The following TAFA2 variants were observed in gnomAD, a reference collection of about 807,000 sequenced individuals.
The protein encoded by TAFA2 is TAFA chemokine like family member 2.
Under a neutral mutation model 18.8 loss-of-function variants are expected in TAFA2, and 7 were observed. The observed-to-expected ratio is 0.37, with a 90% CI of 0.21 to 0.70. The LOEUF (loss-of-function observed/expected upper bound fraction) is 0.70. Among genes scored for constraint, TAFA2 ranks in the 30% least tolerant of loss-of-function variants. TAFA2 has a pLI of 0.53. For synonymous variants in TAFA2, 60 were observed against 54.2 expected, an observed-to-expected ratio of 1.11 and a Z score of -0.47; for missense variants, 122 against 158.1, an observed-to-expected ratio of 0.77 and a Z score of 1.23.
chr12:62,209,200 C>G (rs1201162205), intron 1 of TAFA2, among the ~76,000 whole-genome samples: 1 of 152,218 alleles, frequency 6.6e-6, no homozygotes, highest in Non-Finnish European at 1.5e-5. Context: ...CCATAATCCC[C>G]ATCTGTCAAG....
At chr12:62,147,326 G>GTATATA (rs1219861920) in intron 1 of TAFA2, among the ~76,000 whole-genome samples, 20 of 19,544 alleles carry the variant, frequency 1.0e-3, no homozygotes, top group Admixed American at 2.2e-3. Context: ...GTGTATGTAT[G>GTATATA]TATATATATA....
intron 1 of TAFA2, among the ~76,000 whole-genome samples, chr12:62,147,306 G>T (rs1391214131): frequency 8.7e-5 from 1 of 11,526 alleles, no homozygotes. Context: ...ATGTATGCAT[G>T]TGTGTGTGTG....
intron 1 of TAFA2, among the ~76,000 whole-genome samples, chr12:61,964,876 T>C (rs901484077): frequency 2.0e-5 from 3 of 151,876 alleles, no homozygotes; most frequent in Non-Finnish European, 4.4e-5. Flanking sequence ...TATCCCCCAA[T>C]AACTTTTTTT....
chr12:61,990,145 T>TA (rs1184528437), intron 1 of TAFA2, among the ~76,000 whole-genome samples: 2 of 151,998 alleles, frequency 1.3e-5, no homozygotes, highest in South Asian at 2.1e-4. Context: ...CCAATGAACT[T>TA]AAAAAATAAG....
At chr12:61,953,776 C>T (rs1051113657) in intron 1 of TAFA2, among the ~76,000 whole-genome samples, 4 of 152,114 alleles carry the variant, frequency 2.6e-5, no homozygotes, top group Non-Finnish European at 5.9e-5. Flanking sequence ...AACCCAGCAC[C>T]ACATGTCACA....
intron 1 of TAFA2, among the ~76,000 whole-genome samples, chr12:62,150,837 C>A (rs779682547): frequency 2.0e-5 from 3 of 151,546 alleles, no homozygotes; most frequent in Admixed American, 2.0e-4. Flanking sequence ...ACCCAGGAGA[C>A]GGAGGTTGTG....
chr12:61,939,825 G>C (rs554348296), intron 1 of TAFA2, among the ~76,000 whole-genome samples: 3 of 152,296 alleles, frequency 2.0e-5, no homozygotes, highest in East Asian at 3.9e-4. Flanking sequence ...CAGAGAAAAA[G>C]AGCAATATCC....
intron 1 of TAFA2, among the ~76,000 whole-genome samples, chr12:62,004,793 G>A (rs1388846731): frequency 6.6e-6 from 1 of 151,990 alleles, no homozygotes; most frequent in Non-Finnish European, 1.5e-5. Flanking sequence ...GTCTATCGAC[G>A]GGTGAATGGA....
At chr12:61,723,031 C>A (rs1272618770) in intron 4 of TAFA2, among the ~76,000 whole-genome samples, 1 of 152,140 alleles carries the variant, frequency 6.6e-6, no homozygotes, top group Non-Finnish European at 1.5e-5. Context: ...AACATGCATG[C>A]ACCACTCTAG....
chr12:61,921,449 G>T (rs1056327285), intron 1 of TAFA2, among the ~76,000 whole-genome samples: 1 of 152,108 alleles, frequency 6.6e-6, no homozygotes, highest in African/African-American at 2.4e-5. Flanking sequence ...AAATTTTGGC[G>T]TTTGTGCAAT....
At chr12:61,862,602 C>A (rs1874174505) in intron 2 of TAFA2, among the ~76,000 whole-genome samples, 1 of 152,094 alleles carries the variant, frequency 6.6e-6, no homozygotes, top group African/African-American at 2.4e-5. Flanking sequence ...TTGGTTCTTT[C>A]ATCTTCTACA....
upstream of TAFA2, among the ~76,000 whole-genome samples, chr12:62,194,834 T>G (rs2062642430): frequency 1.3e-5 from 2 of 152,324 alleles, no homozygotes; most frequent in South Asian, 4.1e-4. Context: ...GTCACACAAT[T>G]TTTTTGGTTT....
At chr12:62,245,373 A>G (rs1374815987) in intron 1 of TAFA2, among the ~76,000 whole-genome samples, 1 of 151,906 alleles carries the variant, frequency 6.6e-6, no homozygotes, top group Non-Finnish European at 1.5e-5. Flanking sequence ...TACTTAATAG[A>G]TAATTGATAT....
intron 1 of TAFA2, among the ~76,000 whole-genome samples, chr12:62,152,144 T>G (rs1660575018): frequency 6.6e-6 from 1 of 152,336 alleles, no homozygotes; most frequent in African/African-American, 2.4e-5. Context: ...GAAAAAAAGA[T>G]GATCTCTAGA....
chr12:61,819,635 G>C (rs1023805466), intron 2 of TAFA2, among the ~76,000 whole-genome samples: 3 of 152,068 alleles, frequency 2.0e-5, no homozygotes, highest in Admixed American at 6.6e-5. Flanking sequence ...TCCTCTGGCA[G>C]GTGTTCAAGG....
chr12:61,952,246 G>T (rs1878494912), intron 1 of TAFA2, among the ~76,000 whole-genome samples: 1 of 152,044 alleles, frequency 6.6e-6, no homozygotes, highest in Non-Finnish European at 1.5e-5. Flanking sequence ...ATGTAAAAAT[G>T]TCCCACCTAT....
intron 1 of TAFA2, among the ~76,000 whole-genome samples, chr12:62,085,756 AG>A (rs1868424781): frequency 6.6e-6 from 1 of 152,192 alleles, no homozygotes; most frequent in South Asian, 2.1e-4. Context: ...CCTAAATGTA[AG>A]AGCTAAAACT....
At chr12:62,190,982 G>A (rs750082735) in intron 1 of TAFA2, among the ~76,000 whole-genome samples, 1 of 152,078 alleles carries the variant, frequency 6.6e-6, no homozygotes, top group Non-Finnish European at 1.5e-5. Context: ...CAGAGAGGGA[G>A]GGCACCGCTC....
intron 1 of TAFA2, among the ~76,000 whole-genome samples, chr12:62,121,574 A>G (rs1870198649): frequency 6.6e-6 from 1 of 152,228 alleles, no homozygotes; most frequent in African/African-American, 2.4e-5. Flanking sequence ...TGATTCAACC[A>G]CCAGGAAAGA....
Sources: allele counts gnomAD v4.1 joint callset (sites outside exome capture counted in the v4.1 genomes callset), GRCh38; gene constraint gnomAD v4.1.1; transcripts MANE v1.5; gene names NCBI Gene and HGNC (gene_info 2026-07-23, HGNC 2026-07-21).